The following FAT1 variants were observed in gnomAD, a reference collection of about 807,000 sequenced individuals.
FAT1 encodes protocadherin Fat 1.
A neutral mutation model predicts 329.8 loss-of-function variants in FAT1; 171 were observed. The ratio of observed to expected loss-of-function variants is 0.52; its 90% confidence interval spans 0.46 to 0.59. The LOEUF (loss-of-function observed/expected upper bound fraction) is 0.59. Ranked by LOEUF, FAT1 falls within the 20% of genes least tolerant of loss-of-function variation. The pLI is 0.00. For missense variants in FAT1, 5,672 were observed against 5,774.4 expected (o/e 0.98, Z 0.57); for synonymous variants, 2,233 against 2,228.6 (o/e 1.00, Z -0.06).
chr4:186,603,584 C>A lies in FAT1; in HGVS notation c.10942G>T (p.Ala3648Ser). The change falls in exon 19 of 27, where the codon GCC becomes TCC. Residue 3648 changes from alanine (A) to serine (S), a missense_variant. Transcript: ENST00000441802. ...ACGAATTCTTCCGGAGTGAGGTTGG[C>A]AAAGCGGATCGCGATGGTGTGGTTC... Reference protein sequence around the residue: ...MLNHTIAIRFANLTPEEFVGD... With the variant: ...MLNHTIAIRFSNLTPEEFVGD... 6.2e-7 allele frequency: 1 copy of A among 1,614,006 alleles called. No individual in the cohort carries two copies. The highest frequency in any genetic ancestry group is 8.5e-7 in the Non-Finnish European group (1 of 1,179,900).
intron 2 of FAT1, among the ~76,000 whole-genome samples, chr4:186,705,604 C>T (rs1322395629): frequency 6.6e-6 from 1 of 152,184 alleles, no homozygotes. Context: ...TTCTATGTGC[C>T]AGGCACTTTT....
At chr4:186,676,906 T>C (rs1158620320) in intron 2 of FAT1, among the ~76,000 whole-genome samples, 1 of 152,170 alleles carries the variant, frequency 6.6e-6, no homozygotes, top group Non-Finnish European at 1.5e-5. Context: ...TGCAATTCAG[T>C]TCTACAAAAA....
chr4:186,670,920 AG>A (rs1742696422), intron 2 of FAT1, among the ~76,000 whole-genome samples: 1 of 152,196 alleles, frequency 6.6e-6, no homozygotes, highest in African/African-American at 2.4e-5. Flanking sequence ...GACTTCAGTT[AG>A]TAACAATGTA....
rs1480782466 is a variant in FAT1 at position 186,619,958 on chromosome 4, C to A, written c.6628G>T (p.Glu2210Ter). 6.2e-7 allele frequency: 1 copy of A among 1,613,946 alleles called. No homozygotes were observed. The highest frequency in any genetic ancestry group is 8.5e-7 in the Non-Finnish European group (1 of 1,179,886). Residue 2210 changes from glutamate (E) to a stop codon, truncating the protein, a stop_gained, in exon 10 of 27, where the codon GAA becomes TAA. Transcript: ENST00000441802. LOFTEE classifies it high-confidence loss of function. ...ATGCTGTAGAACACTTTCAGGCCTT[C>A]CGGGCTGTTAGCCTGCACGTGGACC... is the stretch of plus-strand genomic sequence containing the variant. ...PVVHVQANSPEGLKVFYSITD... is the reference protein window; with the variant it reads ...PVVHVQANSP
rs773113119 is a variant in FAT1, at chr4:186,598,047, C to T, written c.12182G>A (p.Cys4061Tyr). ...ISVNPCSSKP[C>Y]LYGGTCVVDN... ...GACAACACACGTGCCCCCATAGAGGCATGGCTTGGAGGAACACGGATTGAC... is the reference window on the plus strand; with the variant it reads ...GACAACACACGTGCCCCCATAGAGGTATGGCTTGGAGGAACACGGATTGAC... The change falls in exon 23 of 27, where the codon TGC becomes TAC. Residue 4061 changes from cysteine to tyrosine, a missense_variant. Cys to Tyr is a radical substitution (Grantham distance 194, BLOSUM62 -2). Coordinates refer to ENST00000441802, the MANE Select transcript of FAT1 (RefSeq NM_005245.4). 1 of 1,613,936 alleles carries T rather than the reference C, an allele frequency of 6.2e-7. No homozygotes were observed. The highest frequency in any genetic ancestry group is 8.5e-7 in the Non-Finnish European group (1 of 1,179,842).
At chr4:186,607,824 G>A (rs780143664) in intron 16 of FAT1, among the ~76,000 whole-genome samples, 1 of 152,074 alleles carries the variant, frequency 6.6e-6, no homozygotes, top group Non-Finnish European at 1.5e-5. Context: ...GTGGGTGGAT[G>A]TTCAGCCTTG....
At chr4:186,698,723 G>A (rs1210593976) in intron 2 of FAT1, among the ~76,000 whole-genome samples, 1 of 152,206 alleles carries the variant, frequency 6.6e-6, no homozygotes, top group Non-Finnish European at 1.5e-5. Flanking sequence ...ATGTTAAATG[G>A]GAGAGCAGGG....
chr4:186,714,205 G>A (rs1344422049), intron 1 of FAT1, among the ~76,000 whole-genome samples: 3 of 152,164 alleles, frequency 2.0e-5, no homozygotes, highest in Admixed American at 6.5e-5. Context: ...CAGGTGGAGC[G>A]CGTGTGGGCT....
At chr4:186,677,978 CTTA>C (rs1743031783) in intron 2 of FAT1, among the ~76,000 whole-genome samples, 1 of 152,126 alleles carries the variant, frequency 6.6e-6, no homozygotes, top group Non-Finnish European at 1.5e-5. Context: ...TGCAGTAGTT[CTTA>C]TATTATCTCT....
At chr4:186,718,792 C>T (rs1032203956) in intron 1 of FAT1, among the ~76,000 whole-genome samples, 3 of 152,258 alleles carry the variant, frequency 2.0e-5, no homozygotes, top group East Asian at 1.9e-4. Context: ...TTCACAGCAC[C>T]GCCCTGGCTT....
At chr4:186,599,763 G>A (rs1002241244) in intron 22 of FAT1, 135 bp downstream of exon 22, 12 of 702,984 alleles carry the variant, frequency 1.7e-5, no homozygotes, top group South Asian at 1.6e-4. Flanking sequence ...GATGCTGCTC[G>A]CTTCCAACAC....
At chr4:186,712,077 T>C (rs1179165258) in intron 1 of FAT1, among the ~76,000 whole-genome samples, 1 of 152,232 alleles carries the variant, frequency 6.6e-6, no homozygotes, top group Non-Finnish European at 1.5e-5. Flanking sequence ...TAGAAGTATT[T>C]TTGCTTAATT....
intron 2 of FAT1, among the ~76,000 whole-genome samples, chr4:186,664,126 G>A (rs549219677): frequency 3.9e-5 from 6 of 152,184 alleles, no homozygotes; most frequent in South Asian, 4.2e-4. Context: ...TCCCTGTGGC[G>A]GCCACTGTCT....
rs760161934 is a variant in FAT1, at chr4:186,621,446, G to T, written c.5140C>A (p.Pro1714Thr). 1 of 1,613,974 alleles carries T rather than the reference G, an allele frequency of 6.2e-7. No homozygotes were observed. Among genetic ancestry groups the T allele is most frequent in the Non-Finnish European group, 8.5e-7 (1 of 1,179,894 alleles). ...TGAGTGATGATAGTTCCAGAATGTG[G>T]ATTAATATCAAAAGCATCACCTGTA... is the stretch of plus-strand genomic sequence containing the variant. ...GNTGDAFDIN[P>T]HSGTIITQKA... Residue 1714 changes from proline (P) to threonine (T), a missense_variant, in exon 10 of 27, where the codon CCA becomes ACA. Pro to Thr is a conservative substitution (Grantham distance 38). This residue lies in a region of FAT1 where 3,966 missense variants were observed against 3,915.2 expected (regional missense o/e 1.01). Coordinates refer to ENST00000441802, the MANE Select transcript of FAT1 (RefSeq NM_005245.4).
chr4:186,667,527 T>C (rs902801637), intron 2 of FAT1, among the ~76,000 whole-genome samples: 2 of 152,228 alleles, frequency 1.3e-5, no homozygotes, highest in African/African-American at 4.8e-5. Context: ...TCTGCTTCGA[T>C]GCATTTTAAT....
rs756333073 is a variant in FAT1 at position 186,620,150 on chromosome 4, A to C, written c.6436T>G (p.Leu2146Val). 2.5e-6 allele frequency: 4 copies of C among 1,613,892 alleles called. No individual in the cohort carries two copies. Residue 2146 changes from leucine (L) to valine (V), a missense_variant, in exon 10 of 27, where the codon TTA becomes GTA. By Grantham distance (32) the Leu-to-Val change is conservative. This residue lies in a region of FAT1 where 3,966 missense variants were observed against 3,915.2 expected (regional missense o/e 1.01). Transcript: ENST00000441802. ...ACTGTAACAAGATATTCTTTATTTAAGGTGTCAAGCTCAAATTGCTTTTTC... is the reference window on the plus strand; with the variant it reads ...ACTGTAACAAGATATTCTTTATTTACGGTGTCAAGCTCAAATTGCTTTTTC... ...SLKKQFELDT[L>V]NKEYLVTVVA...
At chr4:186,706,182 G>A (rs920413334) in intron 2 of FAT1, among the ~76,000 whole-genome samples, 1 of 152,182 alleles carries the variant, frequency 6.6e-6, no homozygotes. Flanking sequence ...TTCTAAGTAT[G>A]AGCCTGCAAA....
At chr4:186,683,799 A>C (rs1743336359) in intron 2 of FAT1, among the ~76,000 whole-genome samples, 1 of 152,090 alleles carries the variant, frequency 6.6e-6, no homozygotes, top group African/African-American at 2.4e-5. Flanking sequence ...CTCCCTCTGG[A>C]GTTATTATTA....
chr4:186,709,083 G>C lies in FAT1; in HGVS notation c.745C>G (p.Gln249Glu), dbSNP rs1333902122. 6.2e-7 allele frequency: 1 copy of C among 1,613,860 alleles called. No homozygotes were observed. The highest frequency in any genetic ancestry group is 8.5e-7 in the Non-Finnish European group (1 of 1,179,760). Residue 249 changes from glutamine to glutamate, a missense_variant, in exon 2 of 27, where the codon CAG (glutamine) becomes GAG (glutamate). Around this residue, in one of 2 missense-constraint regions of FAT1, gnomAD observed 3,966 missense variants for 3,915.2 expected, o/e 1.01. Coordinates refer to ENST00000441802, the MANE Select transcript of FAT1 (RefSeq NM_005245.4). ...SMAKLTVHIE[Q>E]ANECAPVITA... ...ATCACCGGAGCACATTCATTGGCCT[G>C]TTCGATGTGCACCGTTAGCTTGGCC...
Sources: gnomAD v4.1 joint callset for allele counts (sites outside exome capture counted in the v4.1 genomes callset) on GRCh38, gnomAD v4.1.1 for gene constraint, gnomAD v4.1.1 regional missense constraint, MANE v1.5 for transcripts, NCBI Gene and HGNC (gene_info 2026-07-23, HGNC 2026-07-21) for gene names.